Variants in CDHR1 observed in about 807,000 individuals in gnomAD.
CDHR1 encodes the protein cadherin related family member 1, also known as cadherin-related family member 1.
Under a neutral mutation model 72.1 loss-of-function variants are expected in CDHR1, and 61 were observed. The ratio of observed to expected loss-of-function variants is 0.85; its 90% CI spans 0.69 to 1.05. The LOEUF is 1.05. CDHR1 is among the 50% of genes least tolerant of loss of function. CDHR1 has a pLI of 0.00. For synonymous variants in CDHR1, 470 were observed against 448.1 expected (o/e 1.05, Z -0.62); for missense variants, 1,186 against 1,115.7 (o/e 1.06, Z -0.90).
At position 84,217,704 on chromosome 10, in the gene CDHR1, C is replaced by A. The variant is rs886488298; in HGVS notation, c.*3083C>A. Reference sequence around the variant, plus strand: ...AGAGAGGACCCCCTCCATGCATCCTCACCCCCCAGGATGTTTCCACCCACC... The same window carrying A: ...AGAGAGGACCCCCTCCATGCATCCTAACCCCCCAGGATGTTTCCACCCACC... On this transcript the variant is annotated 3_prime_UTR_variant, in exon 17 of 17. Coordinates refer to ENST00000623527, the MANE Select transcript of CDHR1 (RefSeq NM_033100.4). 1.0e-6 allele frequency: 1 copy of A among 985,524 alleles called. No homozygotes were observed. The highest frequency in any genetic ancestry group is 1.2e-6 in the Non-Finnish European group (1 of 830,036). 61.0% of individuals were successfully genotyped at this position (985,524 alleles called of 1,614,324 possible). A position where few individuals can be genotyped will look rare whatever the true frequency, so the allele number is the denominator to read the frequency against.
rs1055005755 is a variant in CDHR1, at chr10:84,194,643, G to C, written c.-118G>C. The stretch of plus-strand genomic sequence containing the variant: ...CCCGCCCCGTGCCCCCTCCCGCCGC[G>C]GCTGCAGTCGCCGCTACCCCCATTG... On this transcript the variant is annotated 5_prime_UTR_variant, in exon 1 of 17. Coordinates refer to ENST00000623527, the MANE Select transcript of CDHR1 (RefSeq NM_033100.4). 3.4e-4 allele frequency: 180 copies of C among 536,832 alleles called. No homozygotes were observed. The highest frequency in any genetic ancestry group is 5.9e-4 in the Middle Eastern group (1 of 1,682). 33.3% of individuals were successfully genotyped at this position (536,832 alleles called of 1,614,324 possible). A position where few individuals can be genotyped will look rare whatever the true frequency, so the allele number is the denominator to read the frequency against.
chr10:84,208,700 T>A (rs1457562145), intron 11 of CDHR1, 29 bp from the exon 12 acceptor site: 2 of 1,608,866 alleles, frequency 1.2e-6, no homozygotes, highest in Admixed American at 3.3e-5. Flanking sequence ...TCATTCATCT[T>A]CCTTGTTTCC....
chr10:84,212,947 T>A lies in CDHR1; in HGVS notation c.1783-144T>A, dbSNP rs564089215. The stretch of plus-strand genomic sequence containing the variant: ...GGCTTATAGGAGAGCATGCATTCTG[T>A]TCCTTTCCCAACTCAATCCTCTCAA... On this transcript the variant is annotated intron_variant, in intron 15 of 16. Coordinates refer to ENST00000623527, the MANE Select transcript of CDHR1 (RefSeq NM_033100.4). 9.5e-6 allele frequency: 10 copies of A among 1,057,564 alleles called. No individual in the cohort carries two copies. The African/African-American group carries it at 1.4e-4, about 15-fold the overall frequency. The allele number at this position is 1,057,564 out of a possible 1,614,324, so 65.5% of individuals were successfully genotyped here. A position where few individuals can be genotyped will look rare whatever the true frequency, so the allele number is the denominator to read the frequency against.
Position 84,196,567 on chromosome 10 carries a change from A to AG in CDHR1, c.215dup (p.Ser72ArgfsTer3), listed in dbSNP as rs755676911. On this transcript the variant is annotated frameshift_variant, in exon 3 of 17. Transcript: ENST00000623527. LOFTEE classifies it high-confidence loss of function. ...GGGAGACCCCATCTCCTACCACATCAGCTTTGACCCCAGCACTAGAAGCGT... is the reference window on the plus strand; with the variant it reads ...GGGAGACCCCATCTCCTACCACATCAGGCTTTGACCCCAGCACTAGAAGCGT... The AG allele has an allele frequency of 6.2e-7, 1 of 1,614,184 alleles. No homozygotes were observed. The highest frequency in any genetic ancestry group is 1.1e-5 in the South Asian group (1 of 91,080).
Position 84,196,512 on chromosome 10 carries a change from C to T in CDHR1, c.159C>T (p.His53=), listed in dbSNP as rs12781048. The T allele has an allele frequency of 6.8e-5, 110 of 1,614,054 alleles. 1 individual carries two copies. The highest frequency in any genetic ancestry group is 5.7e-4 in the African/African-American group (43 of 74,940). ...SLPEDTPVGS[H]VYTLNGTDPE... ...CACTGTGTTTCCTTCCAGGCTCTCA[C>T]GTATACACCCTGAATGGGACAGACC... Residue 53 remains histidine, a synonymous_variant, in exon 3 of 17, where the codon CAC becomes CAT. Coordinates refer to ENST00000623527, the MANE Select transcript of CDHR1 (RefSeq NM_033100.4).
Position 84,204,401 on chromosome 10 carries a change from G to A in CDHR1, c.784-126G>A, listed in dbSNP as rs147538849. On this transcript the variant is annotated intron_variant, in intron 8 of 16. Transcript: ENST00000623527. ...GAGGAGAGTAGGGCCATGCTCCACC[G>A]CCACGTAGAGGCCTGACCCTTTCCT... 292 of 735,674 alleles carry A rather than the reference G, an allele frequency of 4.0e-4. 2 individuals are homozygous for A. The highest frequency in any genetic ancestry group is 3.5e-3 in the African/African-American group (203 of 58,200). The allele number at this position is 735,674 out of a possible 1,614,324, so 45.6% of individuals were successfully genotyped here. A position where few individuals can be genotyped will look rare whatever the true frequency, so the allele number is the denominator to read the frequency against.
chr10:84,195,690 C>A, intron 2 of CDHR1, 101 bp downstream of exon 2: 1 of 933,858 alleles, frequency 1.1e-6, no homozygotes, highest in Non-Finnish European at 1.7e-6. Flanking sequence ...GCTGCGCGCG[C>A]CCGGGGGCTC....
At chr10:84,197,669 T>C (rs1281348537) in intron 3 of CDHR1, 117 bp from the exon 4 acceptor site, 8 of 931,598 alleles carry the variant, frequency 8.6e-6, no homozygotes, top group East Asian at 2.4e-5. Flanking sequence ...CAGGGATCTA[T>C]TGGCACGCCC....
intron 6 of CDHR1, among the ~76,000 whole-genome samples, chr10:84,201,364 T>C (rs1273423520): frequency 6.6e-6 from 1 of 152,184 alleles, no homozygotes; most frequent in Non-Finnish European, 1.5e-5. Flanking sequence ...TCTCCCCCGA[T>C]GCCAGGCTGC....
Position 84,214,087 on chromosome 10 carries a change from C to T in CDHR1, c.2046C>T (p.Leu682=), listed in dbSNP as rs764696122. The T allele has an allele frequency of 3.1e-6, 5 of 1,614,110 alleles. No homozygotes were observed. Among genetic ancestry groups the T allele is most frequent in the Non-Finnish European group, 4.2e-6 (5 of 1,180,060 alleles). ...LKIDITDAET[L]SRSPMAAFLI... ...GGAGTGGCTTTCTCTTTCAGACCCT[C>T]TCCCGGAGCCCCATGGCTGCCTTCC... Residue 682 remains leucine, a synonymous_variant, in exon 17 of 17, where the codon CTC becomes CTT. Transcript: ENST00000623527.
chr10:84,211,194 G>A, intron 13 of CDHR1, 29 bp downstream of exon 13: 1 of 1,613,228 alleles, frequency 6.2e-7, no homozygotes, highest in South Asian at 1.1e-5. Flanking sequence ...CAGGGACTGG[G>A]TGGGATAGGA....
rs962242734 is a variant in CDHR1, at chr10:84,208,347, C to A, written c.1137C>A (p.Gly379=). ...CACCCCAGGGAGAGATCCTGCGGGG[C>A]CTCAAGATCACCGTCAATGACTCCG... ...EHPPQGEILR[G]LKITVNDSDQ... is the part of the protein sequence containing the mutation. Residue 379 remains glycine, a synonymous_variant, in exon 11 of 17, where the codon GGC becomes GGA. Coordinates refer to ENST00000623527, the MANE Select transcript of CDHR1 (RefSeq NM_033100.4). 5.6e-6 allele frequency: 9 copies of A among 1,614,150 alleles called. No individual in the cohort carries two copies. The highest frequency in any genetic ancestry group is 7.6e-6 in the Non-Finnish European group (9 of 1,180,026).
At chr10:84,219,518 G>C (rs540193075), downstream of CDHR1, 1 of 494,956 alleles carries the variant, frequency 2.0e-6, no homozygotes, top group African/African-American at 2.0e-5. Context: ...GGTAGCCCAG[G>C]CTATTTCATG....
At position 84,214,626 on chromosome 10, in the gene CDHR1, T is replaced by G; in HGVS notation, c.*5T>G. 2 of 1,599,658 alleles carry G rather than the reference T, an allele frequency of 1.3e-6. No homozygotes were observed. The highest frequency in any genetic ancestry group is 1.7e-6 in the Non-Finnish European group (2 of 1,179,860). ...CACAACAAGGCTTACTTCTAGTGTA[T>G]GCCCTATGACCCCCCATCTTTCCTC... On this transcript the variant is annotated 3_prime_UTR_variant, in exon 17 of 17. Coordinates refer to ENST00000623527, the MANE Select transcript of CDHR1 (RefSeq NM_033100.4).
rs1564665387 is a variant in CDHR1 at position 84,213,144 on chromosome 10, C to A, written c.1836C>A (p.Thr612=). 6.2e-7 allele frequency: 1 copy of A among 1,614,202 alleles called. No individual in the cohort carries two copies. Among genetic ancestry groups the A allele is most frequent in the Non-Finnish European group, 8.5e-7 (1 of 1,180,042 alleles). The change falls in exon 16 of 17, where the codon ACC becomes ACA. Residue 612 remains threonine (T), a synonymous_variant. Transcript: ENST00000623527. ...EPNNLVDYSI[T]HAEPANVFDI... is the part of the protein sequence containing the mutation. ...ACAACCTGGTGGACTATTCCATCAC[C>A]CATGCAGAGCCCGCCAACGTGTTCG...
chr10:84,196,915 T>C (rs995954583), intron 3 of CDHR1, among the ~76,000 whole-genome samples: 102 of 152,176 alleles, frequency 6.7e-4, no homozygotes, highest in Admixed American at 5.9e-4. Flanking sequence ...TTTAAGCATG[T>C]TCCATTAAAA....
chr10:84,195,188 C>A (rs1842005479), intron 1 of CDHR1, among the ~76,000 whole-genome samples: 1 of 152,192 alleles, frequency 6.6e-6, no homozygotes, highest in African/African-American at 2.4e-5. Context: ...TGGGGCACTG[C>A]CCCTCTCCGA....
At chr10:84,208,973 C>T in intron 12 of CDHR1, 92 bp downstream of exon 12, 1 of 1,329,050 alleles carries the variant, frequency 7.5e-7, no homozygotes, top group Non-Finnish European at 1.1e-6. Context: ...TCTCTTGTCA[C>T]TCTCTGCCCT....
At position 84,215,556 on chromosome 10, in the gene CDHR1, C is replaced by T. The variant is rs560033657; in HGVS notation, c.*935C>T. On this transcript the variant is annotated 3_prime_UTR_variant, in exon 17 of 17. Transcript: ENST00000623527. ...TAACCTTGGGAAAGCTGTTTAAAGT[C>T]GCTGATCATCCTCTTCCTCATCTGT... 8.1e-4 allele frequency: 721 copies of T among 886,132 alleles called. 1 individual carries two copies. Among genetic ancestry groups the T allele is most frequent in the Middle Eastern group, 1.7e-3 (3 of 1,736 alleles). 54.9% of individuals were successfully genotyped at this position (886,132 alleles called of 1,614,324 possible).
Sources: allele counts gnomAD v4.1 joint callset (sites outside exome capture counted in the v4.1 genomes callset), GRCh38; gene constraint gnomAD v4.1.1; transcripts MANE v1.5; gene names NCBI Gene and HGNC (gene_info 2026-07-23, HGNC 2026-07-21).